Variants in RBFOX2 observed in about 807,000 individuals in gnomAD.
RBFOX2 encodes the protein RNA binding protein fox-1 homolog 2.
A neutral mutation model predicts 49.1 loss-of-function variants in RBFOX2; 10 were observed. The ratio of observed to expected loss-of-function variants is 0.20; its 90% CI spans 0.13 to 0.35. The LOEUF is 0.35. RBFOX2 is among the 10% of genes least tolerant of loss of function. The pLI is 1.00. For synonymous variants in RBFOX2, 183 were observed against 187.4 expected (o/e 0.98, Z 0.19); for missense variants, 323 against 486.9 (o/e 0.66, Z 3.17).
intron 1 of RBFOX2, among the ~76,000 whole-genome samples, chr22:35,987,930 AT>A (rs2150093142): frequency 1.3e-5 from 2 of 152,344 alleles, no homozygotes; most frequent in Non-Finnish European, 2.9e-5. Context: ...TGGAAAATGG[AT>A]GACAAACTTC....
At chr22:35,888,845 C>T (rs1162545590) in intron 1 of RBFOX2, among the ~76,000 whole-genome samples, 1 of 152,102 alleles carries the variant, frequency 6.6e-6, no homozygotes, top group Non-Finnish European at 1.5e-5. Flanking sequence ...TCTTTAAAAC[C>T]TAGTTCCCTG....
intron 1 of RBFOX2, among the ~76,000 whole-genome samples, chr22:35,903,084 C>T (rs139704793): frequency 6.6e-6 from 1 of 151,992 alleles, no homozygotes; most frequent in Admixed American, 6.6e-5. Flanking sequence ...TCTCCTTTGA[C>T]CCCTCATCTC....
At chr22:35,990,404 G>A (rs542073851) in intron 1 of RBFOX2, among the ~76,000 whole-genome samples, 32 of 152,252 alleles carry the variant, frequency 2.1e-4, no homozygotes, top group Non-Finnish European at 2.9e-4. Flanking sequence ...AAAGACAGGG[G>A]AGTTAACAAA....
intron 2 of RBFOX2, among the ~76,000 whole-genome samples, chr22:35,782,693 AG>A (rs1486998947): frequency 6.6e-6 from 1 of 152,184 alleles, no homozygotes; most frequent in Non-Finnish European, 1.5e-5. Flanking sequence ...ACTTTAGTAC[AG>A]GGGAACCCAA....
intron 1 of RBFOX2, among the ~76,000 whole-genome samples, chr22:35,825,983 A>G (rs1165147863): frequency 1.4e-5 from 2 of 141,024 alleles, no homozygotes; most frequent in Non-Finnish European, 3.1e-5. Context: ...CTCCGCTTCA[A>G]AAAAAAAAAA....
intron 1 of RBFOX2, among the ~76,000 whole-genome samples, chr22:35,980,286 TTGGGGA>T (rs2057395117): frequency 6.6e-6 from 1 of 152,288 alleles, no homozygotes; most frequent in Admixed American, 6.5e-5. Context: ...ATGAGTATAT[TTGGGGA>T]TCTCCAACTA....
chr22:36,011,615 G>A lies in RBFOX2; in HGVS notation c.186+16625C>T, dbSNP rs2058826757. Among the ~76,000 whole-genome samples the A allele has an allele frequency of 2.6e-5, 4 of 152,120 alleles. No homozygotes were observed. The South Asian group carries it at 8.3e-4, about 32-fold the overall frequency. On this transcript the variant is annotated intron_variant, in intron 1 of 13. Transcript: ENST00000438146. Reference sequence around the variant, plus strand: ...AAATATTACGTAGGCACTGTCTCTAGAAGGACACCCAGATAACTAACAATA... The same window carrying A: ...AAATATTACGTAGGCACTGTCTCTAAAAGGACACCCAGATAACTAACAATA...
At chr22:35,935,710 G>A (rs528204602) in intron 1 of RBFOX2, among the ~76,000 whole-genome samples, 2 of 152,252 alleles carry the variant, frequency 1.3e-5, no homozygotes, top group Admixed American at 6.5e-5. Context: ...ACATTCACAC[G>A]TGACCACATT....
At chr22:35,804,491 A>T (rs1335096445) in intron 2 of RBFOX2, among the ~76,000 whole-genome samples, 1 of 152,134 alleles carries the variant, frequency 6.6e-6, no homozygotes, top group East Asian at 1.9e-4. Context: ...AAAATCTTGA[A>T]ATCAGCAAGA....
chr22:35,817,421 G>A (rs954560122), intron 1 of RBFOX2, among the ~76,000 whole-genome samples: 1 of 151,992 alleles, frequency 6.6e-6, no homozygotes, highest in Non-Finnish European at 1.5e-5. Context: ...AGGTTGCAGT[G>A]AGCCAAGATC....
intron 1 of RBFOX2, among the ~76,000 whole-genome samples, chr22:35,911,840 C>A (rs2049872526): frequency 6.6e-6 from 1 of 152,172 alleles, no homozygotes; most frequent in South Asian, 2.1e-4. Flanking sequence ...TTCCCCACTC[C>A]ATACTCTGGA....
chr22:35,766,972 G>T, intron 5 of RBFOX2, among the ~76,000 whole-genome samples: 1 of 152,152 alleles, frequency 6.6e-6, no homozygotes, highest in East Asian at 1.9e-4. Flanking sequence ...GTCAGGAAGG[G>T]TGTAACGGGC....
At chr22:35,955,677 C>G (rs1216995474) in intron 1 of RBFOX2, among the ~76,000 whole-genome samples, 1 of 152,156 alleles carries the variant, frequency 6.6e-6, no homozygotes, top group African/African-American at 2.4e-5. Context: ...TTATGAGAAT[C>G]TAATGCCGCC....
At chr22:35,923,982 C>T (rs2062801561) in intron 1 of RBFOX2, among the ~76,000 whole-genome samples, 1 of 151,980 alleles carries the variant, frequency 6.6e-6, no homozygotes, top group South Asian at 2.1e-4. Context: ...AAATAAATGC[C>T]CAGTGCAAAT....
At chr22:35,795,550 C>T (rs1222220618) in intron 2 of RBFOX2, among the ~76,000 whole-genome samples, 1 of 132,926 alleles carries the variant, frequency 7.5e-6, no homozygotes, top group African/African-American at 2.8e-5. Flanking sequence ...ATAAAGAAGT[C>T]AATGGGCAAT....
At chr22:35,962,032 G>A (rs892275567), upstream of RBFOX2, among the ~76,000 whole-genome samples, 2 of 152,140 alleles carry the variant, frequency 1.3e-5, no homozygotes, top group Non-Finnish European at 2.9e-5. Flanking sequence ...CCTCCCAACA[G>A]GAGAATTTTT....
chr22:35,901,951 G>A (rs1438166629), intron 1 of RBFOX2, among the ~76,000 whole-genome samples: 7 of 152,030 alleles, frequency 4.6e-5, no homozygotes, highest in Non-Finnish European at 1.0e-4. Flanking sequence ...GTGTGGTGGT[G>A]CATCTGTAGT....
At chr22:35,874,888 T>TGGAGC (rs1420654849) in intron 1 of RBFOX2, among the ~76,000 whole-genome samples, 7 of 152,182 alleles carry the variant, frequency 4.6e-5, no homozygotes, top group African/African-American at 1.7e-4. Flanking sequence ...TGTACCTGTA[T>TGGAGC]TAGGAGATGG....
At chr22:35,922,362 C>T (rs141590176) in intron 1 of RBFOX2, among the ~76,000 whole-genome samples, 172 of 152,128 alleles carry the variant, frequency 1.1e-3, no homozygotes, top group African/African-American at 4.0e-3. Context: ...GGGCAGATCA[C>T]GAGGTCAGGA....
Sources: allele counts gnomAD v4.1 joint callset (sites outside exome capture counted in the v4.1 genomes callset), GRCh38; gene constraint gnomAD v4.1.1; transcripts MANE v1.5; gene names NCBI Gene and HGNC (gene_info 2026-07-23, HGNC 2026-07-21).